Variants in SERGEF observed in about 807,000 individuals in gnomAD.
SERGEF encodes the protein secretion-regulating guanine nucleotide exchange factor.
A neutral mutation model predicts 50.0 loss-of-function variants in SERGEF; 51 were observed. The ratio of observed to expected loss-of-function variants is 1.02; its 90% confidence interval spans 0.81 to 1.29. SERGEF has a LOEUF of 1.29. SERGEF is among the 50% of genes most tolerant of loss of function. The pLI, the probability that SERGEF is intolerant of heterozygous loss-of-function variation, is 0.00. For missense variants in SERGEF, 521 were observed against 557.0 expected (o/e 0.94, Z 0.65); for synonymous variants, 205 against 212.4 (o/e 0.97, Z 0.30).
chr11:17,836,488 AT>A (rs1281747497), intron 10 of SERGEF, among the ~76,000 whole-genome samples: 1 of 152,124 alleles, frequency 6.6e-6, no homozygotes, highest in African/African-American at 2.4e-5. Context: ...TAGAACAGCT[AT>A]TTTCTTTCCA....
At chr11:17,812,361 G>A (rs920366759) in intron 10 of SERGEF, among the ~76,000 whole-genome samples, 2 of 152,186 alleles carry the variant, frequency 1.3e-5, no homozygotes, top group African/African-American at 4.8e-5. Flanking sequence ...CCCTCCTGCT[G>A]TATACTCCTC....
chr11:17,967,944 C>T (rs1251340961), intron 8 of SERGEF, among the ~76,000 whole-genome samples: 1 of 152,246 alleles, frequency 6.6e-6, no homozygotes, highest in Non-Finnish European at 1.5e-5. Flanking sequence ...TTAAATGCTG[C>T]TGCCTCCCTA....
At position 17,878,248 on chromosome 11, in the gene SERGEF, T is replaced by TAAA; in HGVS notation, c.1012-7_1012-5dup. 2.6e-5 allele frequency: 35 copies of TAAA among 1,345,200 alleles called. No homozygotes were observed. The highest frequency in any genetic ancestry group is 1.9e-4 in the Middle Eastern group (1 of 5,130). 83.3% of individuals were successfully genotyped at this position (1,345,200 alleles called of 1,614,324 possible). ...TATGCTCTGAGCCACAAGAGACCTGTAAAAAAAAAAAAAGACAAAGAAAAT... is the reference window on the plus strand; with the variant it reads ...TATGCTCTGAGCCACAAGAGACCTGTAAAAAAAAAAAAAAAAGACAAAGAAAAT... On this transcript the variant is annotated splice_polypyrimidine_tract_variant and splice_region_variant and intron_variant, in intron 9 of 10. Transcript: ENST00000265965.
At chr11:17,904,680 CCT>C (rs1416779775) in intron 9 of SERGEF, among the ~76,000 whole-genome samples, 1 of 152,150 alleles carries the variant, frequency 6.6e-6, no homozygotes, top group African/African-American at 2.4e-5. Context: ...TTTCCTTCTC[CCT>C]CTTTCTTTAT....
intron 9 of SERGEF, among the ~76,000 whole-genome samples, chr11:17,937,382 C>CA (rs1852472685): frequency 6.6e-6 from 1 of 151,916 alleles, no homozygotes; most frequent in Non-Finnish European, 1.5e-5. Flanking sequence ...CAAAGAAATA[C>CA]AAAAAACAGC....
At chr11:17,815,815 G>A (rs1022721428) in intron 10 of SERGEF, among the ~76,000 whole-genome samples, 3 of 150,258 alleles carry the variant, frequency 2.0e-5, no homozygotes, top group East Asian at 2.0e-4. Flanking sequence ...TCAGCTACTC[G>A]GGAGGCTGAG....
At position 17,993,141 on chromosome 11, in the gene SERGEF, C is replaced by T. The variant is rs945081250; in HGVS notation, c.623-148G>A. 4 of 629,678 alleles carry T rather than the reference C, an allele frequency of 6.4e-6. No individual in the cohort carries two copies. In the African/African-American group the frequency reaches 7.3e-5, roughly 12 times the overall value. 39.0% of individuals were successfully genotyped at this position (629,678 alleles called of 1,614,324 possible). ...TCAGCAGCACTGGCCAAGAAGATGG[C>T]TGGCATTGTAGGGAGCCTGGTAACA... On this transcript the variant is annotated intron_variant, in intron 6 of 10. Transcript: ENST00000265965.
intron 9 of SERGEF, among the ~76,000 whole-genome samples, chr11:17,878,632 C>T (rs898573897): frequency 2.0e-5 from 3 of 152,084 alleles, no homozygotes; most frequent in Non-Finnish European, 4.4e-5. Context: ...AAAGACCATC[C>T]CTCTCGTATG....
intron 10 of SERGEF, among the ~76,000 whole-genome samples, chr11:17,842,307 G>C (rs1447408122): frequency 6.6e-6 from 1 of 152,104 alleles, no homozygotes; most frequent in Non-Finnish European, 1.5e-5. Flanking sequence ...AGGTTCTCTT[G>C]AGTCTGGATT....
intron 9 of SERGEF, among the ~76,000 whole-genome samples, chr11:17,889,348 C>G (rs1851489726): frequency 6.6e-6 from 1 of 152,160 alleles, no homozygotes; most frequent in African/African-American, 2.4e-5. Context: ...ATGTGCCAAA[C>G]TGACATCAGG....
chr11:17,938,298 T>C (rs897082398), intron 9 of SERGEF, among the ~76,000 whole-genome samples: 1 of 152,196 alleles, frequency 6.6e-6, no homozygotes, highest in Non-Finnish European at 1.5e-5. Flanking sequence ...CCACCAAGTA[T>C]TTTAAAAGAC....
intron 8 of SERGEF, among the ~76,000 whole-genome samples, chr11:17,986,588 G>T (rs1368317114): frequency 1.3e-5 from 2 of 152,222 alleles, no homozygotes; most frequent in Non-Finnish European, 1.5e-5. Context: ...CCAGATGTGG[G>T]AATCGCATCA....
chr11:17,999,204 AG>A (rs1188213082), intron 5 of SERGEF, among the ~76,000 whole-genome samples: 1 of 152,230 alleles, frequency 6.6e-6, no homozygotes, highest in Non-Finnish European at 1.5e-5. Flanking sequence ...GGTTATAGGC[AG>A]GTAGAAATGG....
rs980336034 is a variant in SERGEF at position 17,941,605 on chromosome 11, T to C, written c.1011+17865A>G. On this transcript the variant is annotated intron_variant, in intron 9 of 10. Coordinates refer to ENST00000265965, the MANE Select transcript of SERGEF (RefSeq NM_012139.4). ...GGTGCTATGTACATGGGTATGCATA[T>C]ATATCTTCACGATTCTGCTTTCAAC... Among the ~76,000 whole-genome samples the C allele has an allele frequency of 2.6e-5, 4 of 152,226 alleles. 1 individual carries two copies. In the South Asian group the frequency reaches 8.3e-4, roughly 31 times the overall value.
chr11:17,934,003 C>A (rs538659670), intron 9 of SERGEF, among the ~76,000 whole-genome samples: 1 of 152,252 alleles, frequency 6.6e-6, no homozygotes, highest in Admixed American at 6.5e-5. Context: ...TCTCTATGTT[C>A]ATACTTCTCT....
intron 9 of SERGEF, among the ~76,000 whole-genome samples, chr11:17,897,623 C>T (rs1000177864): frequency 8.5e-5 from 13 of 152,060 alleles, no homozygotes; most frequent in African/African-American, 3.1e-4. Flanking sequence ...GTGAAAGAAG[C>T]CAGGCACAAA....
At chr11:17,962,886 GA>G (rs1853037612) in intron 8 of SERGEF, among the ~76,000 whole-genome samples, 2 of 152,084 alleles carry the variant, frequency 1.3e-5, no homozygotes, top group South Asian at 4.2e-4. Context: ...GCAAAGATAC[GA>G]AAATCAAAAG....
At chr11:17,831,893 G>A (rs189567706) in intron 10 of SERGEF, among the ~76,000 whole-genome samples, 3 of 152,192 alleles carry the variant, frequency 2.0e-5, no homozygotes, top group Non-Finnish European at 4.4e-5. Context: ...CCTTTCATCT[G>A]AACTGTAAAA....
intron 9 of SERGEF, among the ~76,000 whole-genome samples, chr11:17,897,567 T>C (rs568847206): frequency 4.3e-4 from 66 of 152,340 alleles, no homozygotes; most frequent in African/African-American, 1.3e-3. Flanking sequence ...AACAGTCTAC[T>C]GAAACACATA....
Sources: gnomAD v4.1 joint callset for allele counts (sites outside exome capture counted in the v4.1 genomes callset) on GRCh38, gnomAD v4.1.1 for gene constraint, MANE v1.5 for transcripts, NCBI Gene and HGNC (gene_info 2026-07-23, HGNC 2026-07-21) for gene names.